Variants in ANKRD6 observed in about 807,000 individuals in gnomAD.
ANKRD6 encodes the protein ankyrin repeat domain 6.
ANKRD6 carries 56 observed loss-of-function variants against 82.3 expected under a neutral mutation model. The observed-to-expected ratio is 0.68, with a 90% CI of 0.55 to 0.85. ANKRD6 has a LOEUF of 0.85. ANKRD6 is among the 40% of genes least tolerant of loss of function. The pLI, the probability that ANKRD6 is intolerant of heterozygous loss-of-function variation, is 0.00. For synonymous variants in ANKRD6, 347 were observed against 352.1 expected, an observed-to-expected ratio of 0.99 and a Z score of 0.16; for missense variants, 852 against 907.6, an observed-to-expected ratio of 0.94 and a Z score of 0.79.
At chr6:89,624,246 C>T (rs1804760993) in intron 12 of ANKRD6, among the ~76,000 whole-genome samples, 189 bp downstream of exon 12, 3 of 152,210 alleles carry the variant, frequency 2.0e-5, no homozygotes, top group East Asian at 1.9e-4. Flanking sequence ...CCAAGGCAGA[C>T]AGGGTGTGTA....
At chr6:89,478,866 A>G (rs1335264905) in intron 1 of ANKRD6, among the ~76,000 whole-genome samples, 4 of 152,040 alleles carry the variant, frequency 2.6e-5, no homozygotes, top group Admixed American at 2.6e-4. Context: ...GAAGATGGCC[A>G]TTTACAAGCT....
intron 2 of ANKRD6, among the ~76,000 whole-genome samples, chr6:89,593,277 G>A (rs1247230617): frequency 1.3e-5 from 2 of 152,186 alleles, no homozygotes; most frequent in Non-Finnish European, 2.9e-5. Context: ...TTTGTGAAGG[G>A]CACATACTCA....
chr6:89,455,938 A>G (rs541098442), intron 1 of ANKRD6, among the ~76,000 whole-genome samples: 2 of 151,666 alleles, frequency 1.3e-5, no homozygotes, highest in South Asian at 2.1e-4. Flanking sequence ...CAGTGGTGCA[A>G]TCTTGGCTCA....
At chr6:89,560,244 C>T (rs1787200412) in intron 1 of ANKRD6, among the ~76,000 whole-genome samples, 1 of 152,198 alleles carries the variant, frequency 6.6e-6, no homozygotes, top group Non-Finnish European at 1.5e-5. Flanking sequence ...GTTCTTCTGG[C>T]TAGAAGTCCC....
chr6:89,470,212 T>TA (rs999798598), intron 1 of ANKRD6, among the ~76,000 whole-genome samples: 4 of 152,176 alleles, frequency 2.6e-5, no homozygotes, highest in Admixed American at 2.0e-4. Flanking sequence ...ATGACCTGCT[T>TA]AAAAAAATTT....
At chr6:89,503,303 T>C (rs184079007) in intron 1 of ANKRD6, among the ~76,000 whole-genome samples, 2 of 152,320 alleles carry the variant, frequency 1.3e-5, no homozygotes, top group Admixed American at 6.5e-5. Context: ...GAAGTCGTGA[T>C]TAGGCCAGTG....
intron 1 of ANKRD6, among the ~76,000 whole-genome samples, chr6:89,506,314 A>C (rs1157925140): frequency 6.6e-6 from 1 of 152,006 alleles, no homozygotes; most frequent in Non-Finnish European, 1.5e-5. Context: ...AAATTTATAC[A>C]ATTTTATTTA....
In ANKRD6 at chr6:89,606,041, A is replaced by G. The variant is rs754886809; in HGVS notation, c.353A>G (p.His118Arg). Residue 118 changes from histidine (H) to arginine (R), a missense_variant, in exon 5 of 16, where the codon CAT (histidine) becomes CGT (arginine). His to Arg is a conservative substitution (Grantham distance 29, BLOSUM62 0). Coordinates refer to ENST00000339746, the MANE Select transcript of ANKRD6 (RefSeq NM_001242809.2). ...GNTALHEASW[H>R]GFSQSAKLLI... ...ACAGCCTTGCATGAAGCATCCTGGC[A>G]TGGTTTCAGCCAGTCAGCCAAGCTG... 1 of 1,597,552 alleles carries G rather than the reference A, an allele frequency of 6.3e-7. No homozygotes were observed. The highest frequency in any genetic ancestry group is 8.5e-7 in the Non-Finnish European group (1 of 1,171,618).
chr6:89,623,810 G>A lies in ANKRD6; in HGVS notation c.1033-62G>A, dbSNP rs565861616. ...CAAATGGGGTGACATGGGCGCCACC[G>A]ACTGGTGTCAGTCTTGCAGAGGTCA... On this transcript the variant is annotated intron_variant, in intron 11 of 15. Coordinates refer to ENST00000339746, the MANE Select transcript of ANKRD6 (RefSeq NM_001242809.2). 243 of 1,520,860 alleles carry A rather than the reference G, an allele frequency of 1.6e-4. 2 individuals are homozygous for A. The East Asian group carries it at 2.5e-3, about 16-fold the overall frequency. 94.2% of individuals were successfully genotyped at this position (1,520,860 alleles called of 1,614,324 possible). A position where few individuals can be genotyped will look rare whatever the true frequency, so the allele number is the denominator to read the frequency against.
chr6:89,450,560 C>T (rs1410592314), intron 1 of ANKRD6, among the ~76,000 whole-genome samples: 1 of 151,990 alleles, frequency 6.6e-6, no homozygotes. Flanking sequence ...ACTTTGTTGC[C>T]CAGGCTGGAG....
At chr6:89,626,496 T>A (rs1344922577) in intron 13 of ANKRD6, among the ~76,000 whole-genome samples, 1 of 152,080 alleles carries the variant, frequency 6.6e-6, no homozygotes, top group African/African-American at 2.4e-5. Flanking sequence ...AGTAGGCCAA[T>A]CCTAGAAAAC....
At chr6:89,461,697 ATGTAT>A (rs1391397062) in intron 1 of ANKRD6, among the ~76,000 whole-genome samples, 2 of 152,170 alleles carry the variant, frequency 1.3e-5, no homozygotes, top group Admixed American at 1.3e-4. Context: ...AAGCTCTCTA[ATGTAT>A]TGTAGTTTGT....
chr6:89,561,091 T>G (rs552150800), intron 1 of ANKRD6: 1 of 152,314 alleles, frequency 6.6e-6, no homozygotes, highest in South Asian at 2.1e-4. Context: ...CAGTCACATC[T>G]TTATTCGGTG....
In ANKRD6 at chr6:89,630,524, C is replaced by T. The variant is rs745414891; in HGVS notation, c.1704C>T (p.Ser568=). ...GGCCCAAAGAGAAGGCCCTCAACTC[C>T]ACTGCTACCCAGAGACTCCAGCAGG... is the stretch of plus-strand genomic sequence containing the variant. ...VVRPKEKALN[S]TATQRLQQEL... Residue 568 remains serine, a synonymous_variant, in exon 16 of 16, where the codon TCC becomes TCT. Transcript: ENST00000339746. The T allele has an allele frequency of 1.9e-6, 3 of 1,614,052 alleles. No homozygotes were observed. Among genetic ancestry groups the T allele is most frequent in the Non-Finnish European group, 2.5e-6 (3 of 1,179,876 alleles).
rs574748890 is a variant in ANKRD6, at chr6:89,435,335, C to G, written c.-144+1960C>G. On this transcript the variant is annotated intron_variant, in intron 1 of 15. Coordinates refer to ENST00000339746, the MANE Select transcript of ANKRD6 (RefSeq NM_001242809.2). ...CCCTGGAGCCCCTGAGTACCCCTCT[C>G]CATTGCCTTCCACTCACTTCTCGCC... is the stretch of plus-strand genomic sequence containing the variant. 1.6e-3 allele frequency among the ~76,000 whole-genome samples: 248 copies of G among 152,320 alleles called. 1 individual carries two copies. Among genetic ancestry groups the G allele is most frequent in the African/African-American group, 5.7e-3 (239 of 41,572 alleles).
intron 1 of ANKRD6, among the ~76,000 whole-genome samples, chr6:89,552,358 C>G (rs1785973281): frequency 6.6e-6 from 1 of 152,140 alleles, no homozygotes; most frequent in Admixed American, 6.5e-5. Context: ...AGGAGAGGAC[C>G]CTCAGGGCCT....
chr6:89,602,712 G>T, intron 3 of ANKRD6: 1 of 332,080 alleles, frequency 3.0e-6, no homozygotes. Context: ...CTTCACACCT[G>T]TGATAGTCAT....
chr6:89,490,763 A>G (rs1443849062), intron 1 of ANKRD6, among the ~76,000 whole-genome samples: 1 of 152,172 alleles, frequency 6.6e-6, no homozygotes, highest in African/African-American at 2.4e-5. Flanking sequence ...GCGGTTTAGA[A>G]AACAAGAGCA....
intron 1 of ANKRD6, among the ~76,000 whole-genome samples, chr6:89,510,154 G>T (rs944600122): frequency 6.6e-6 from 1 of 152,204 alleles, no homozygotes; most frequent in African/African-American, 2.4e-5. Flanking sequence ...GATGGTGGTT[G>T]CTCTGTCAGT....
Sources: allele counts gnomAD v4.1 joint callset (sites outside exome capture counted in the v4.1 genomes callset), GRCh38; gene constraint gnomAD v4.1.1; transcripts MANE v1.5; gene names NCBI Gene and HGNC (gene_info 2026-07-23, HGNC 2026-07-21).